ANKFY1: variants seen among roughly 807,000 people sequenced by gnomAD.
The protein encoded by ANKFY1 is ankyrin repeat and FYVE domain-containing protein 1.
A neutral mutation model predicts 128.3 loss-of-function variants in ANKFY1; 47 were observed. The ratio of observed to expected loss-of-function variants is 0.37; its 90% CI spans 0.29 to 0.47. ANKFY1 has a LOEUF of 0.47. ANKFY1 is among the 20% of genes least tolerant of loss of function. The probability of loss-of-function intolerance (pLI) is 1.00; values close to 1 mark genes in which losing one functional copy is unlikely to be tolerated. For missense variants in ANKFY1, 1,222 were observed against 1,510.6 expected (o/e 0.81, Z 3.17); for synonymous variants, 553 against 601.6 (o/e 0.92, Z 1.18).
At chr17:4,206,881 T>C (rs2143015540) in intron 6 of ANKFY1, among the ~76,000 whole-genome samples, 1 of 152,288 alleles carries the variant, frequency 6.6e-6, no homozygotes. Flanking sequence ...TGTCTCCCCA[T>C]ACACTGGACA....
At chr17:4,263,808 T>G in intron 1 of ANKFY1, 124 bp downstream of exon 1, 2 of 1,605,506 alleles carry the variant, frequency 1.2e-6, no homozygotes, top group Middle Eastern at 2.1e-4. Context: ...ACAGGAAGGC[T>G]CGCGAGACCC....
intron 4 of ANKFY1, among the ~76,000 whole-genome samples, chr17:4,214,567 C>T (rs1439424815): frequency 2.7e-5 from 4 of 149,744 alleles, no homozygotes; most frequent in Non-Finnish European, 4.4e-5. Context: ...CTCATATTGC[C>T]CAGGCTGGAG....
In ANKFY1 at chr17:4,170,680, G is replaced by C. The variant is rs1478921379; in HGVS notation, c.3286+35C>G. Reference sequence around the variant, plus strand: ...ATGGCGATCCCAACACTACGACTGTGCTTGCACTGTGAGAGCAGAGAGCGG... The same window carrying C: ...ATGGCGATCCCAACACTACGACTGTCCTTGCACTGTGAGAGCAGAGAGCGG... On this transcript the variant is annotated intron_variant, in intron 23 of 24. Transcript: ENST00000341657. The C allele has an allele frequency of 3.2e-6, 5 of 1,586,746 alleles. No individual in the cohort carries two copies. The Admixed American group carries it at 6.9e-5, about 22-fold the overall frequency.
chr17:4,205,705 G>A (rs1030018515), intron 7 of ANKFY1, among the ~76,000 whole-genome samples: 2 of 149,776 alleles, frequency 1.3e-5, no homozygotes, highest in African/African-American at 4.9e-5. Context: ...TCGCACCACT[G>A]CACTCCAGCC....
intron 4 of ANKFY1, among the ~76,000 whole-genome samples, chr17:4,213,213 C>G (rs2143019533): frequency 6.6e-6 from 1 of 151,964 alleles, no homozygotes; most frequent in East Asian, 1.9e-4. Context: ...TTTTTTGAGA[C>G]AGAGTGTGCT....
At chr17:4,247,545 C>T (rs1326888853) in intron 1 of ANKFY1, among the ~76,000 whole-genome samples, 3 of 152,142 alleles carry the variant, frequency 2.0e-5, no homozygotes, top group African/African-American at 4.8e-5. Flanking sequence ...CACTTACCAG[C>T]GCTACTTCAA....
intron 22 of ANKFY1, among the ~76,000 whole-genome samples, chr17:4,171,963 C>T (rs771097664): frequency 3.9e-5 from 6 of 152,254 alleles, no homozygotes; most frequent in African/African-American, 1.4e-4. Flanking sequence ...ACCCGAAAAA[C>T]GGGGATACAA....
chr17:4,189,576 AGCCCACGCCAGACAGTAG>A, intron 10 of ANKFY1, 97 bp from the exon 11 acceptor site: 5 of 1,069,644 alleles, frequency 4.7e-6, no homozygotes, highest in Non-Finnish European at 6.8e-6. Flanking sequence ...ATGACTGGCA[AGCCCACGCCAGACAGTAG>A]GCCCACACCA....
rs567871840 is a variant in ANKFY1 at position 4,229,446 on chromosome 17, T to C, written c.322+6326A>G. 1.4e-3 allele frequency among the ~76,000 whole-genome samples: 207 copies of C among 148,090 alleles called. 1 individual carries two copies. The highest frequency in any genetic ancestry group is 4.8e-3 in the African/African-American group (194 of 40,472). ...CTCAAAAAAAAAAAAGAAAATGAGATAAAAGATAGTAATTCAACTCAAAAA... is the reference window on the plus strand; with the variant it reads ...CTCAAAAAAAAAAAAGAAAATGAGACAAAAGATAGTAATTCAACTCAAAAA... On this transcript the variant is annotated intron_variant, in intron 3 of 24. Transcript: ENST00000341657.
At chr17:4,173,135 C>T (rs563052689) in intron 21 of ANKFY1, among the ~76,000 whole-genome samples, 10 of 152,368 alleles carry the variant, frequency 6.6e-5, no homozygotes, top group East Asian at 5.8e-4. Context: ...GGATTACAGG[C>T]GCGAGCCACT....
At position 4,169,195 on chromosome 17, in the gene ANKFY1, T is replaced by G. The variant is rs1287004452; in HGVS notation, c.3377+3A>C. 1 of 1,551,422 alleles carries G rather than the reference T, an allele frequency of 6.4e-7. No homozygotes were observed. ...CTCCTTGCCAGTGACGCTGGGGTCT[T>G]ACCAGTGGTGTTTGCGAGTGGTGAC... On this transcript the variant is annotated splice_donor_region_variant and intron_variant, in intron 24 of 24. Coordinates refer to ENST00000341657, the MANE Select transcript of ANKFY1 (RefSeq NM_001330063.2). This position sits in a 1 kb window ranked among gnomAD's most constrained non-coding sequence, Gnocchi z 5.0.
intron 1 of ANKFY1, among the ~76,000 whole-genome samples, chr17:4,242,860 G>A (rs990017466): frequency 6.6e-6 from 1 of 152,196 alleles, no homozygotes; most frequent in Non-Finnish European, 1.5e-5. Flanking sequence ...TGACAATGAA[G>A]AGATGTACCT....
intron 1 of ANKFY1, among the ~76,000 whole-genome samples, chr17:4,246,683 C>T (rs1967558453): frequency 6.6e-6 from 1 of 152,202 alleles, no homozygotes; most frequent in South Asian, 2.1e-4. Flanking sequence ...ATCTTTTGCT[C>T]CTCAAGACCT....
Position 4,222,746 on chromosome 17 carries a change from C to T in ANKFY1, c.323-5628G>A, listed in dbSNP as rs1021848510. ...GGGTTTCTTGTGCAGTAATATTTCTCGTAGCAATAATATTAGCTGTTTTGC... is the reference window on the plus strand; with the variant it reads ...GGGTTTCTTGTGCAGTAATATTTCTTGTAGCAATAATATTAGCTGTTTTGC... On this transcript the variant is annotated intron_variant, in intron 3 of 24. Coordinates refer to ENST00000341657, the MANE Select transcript of ANKFY1 (RefSeq NM_001330063.2). 14 of 972,270 alleles carry T rather than the reference C, an allele frequency of 1.4e-5. No individual in the cohort carries two copies. In the African/African-American group the frequency reaches 1.6e-4, roughly 11 times the overall value. The allele number at this position is 972,270 out of a possible 1,614,324, so 60.2% of individuals were successfully genotyped here. A position where few individuals can be genotyped will look rare whatever the true frequency, so the allele number is the denominator to read the frequency against.
rs75366887 is a variant in ANKFY1, at chr17:4,167,681, C to T, written c.*98G>A. 1.0e-3 allele frequency: 1,277 copies of T among 1,271,214 alleles called. 11 individuals carry two copies. In the African/African-American group the frequency reaches 0.018, roughly 18 times the overall value. 78.7% of individuals were successfully genotyped at this position (1,271,214 alleles called of 1,614,324 possible). Reference sequence around the variant, plus strand: ...GTTCCAGTCTATTGCCGCAGGAAGACACCCGCCAGCTCCTGCTCTGGGTGG... The same window carrying T: ...GTTCCAGTCTATTGCCGCAGGAAGATACCCGCCAGCTCCTGCTCTGGGTGG... On this transcript the variant is annotated 3_prime_UTR_variant, in exon 25 of 25. Coordinates refer to ENST00000341657, the MANE Select transcript of ANKFY1 (RefSeq NM_001330063.2). The surrounding 1 kb of genome is among the most constrained non-coding windows in gnomAD (Gnocchi z 4.1).
intron 7 of ANKFY1, among the ~76,000 whole-genome samples, chr17:4,197,956 C>T (rs2059856967): frequency 6.6e-6 from 1 of 151,076 alleles, no homozygotes; most frequent in South Asian, 2.1e-4. Context: ...AGGGAAAAAC[C>T]CCGTCTCTAC....
In ANKFY1 at chr17:4,184,911, T is replaced by G; in HGVS notation, c.1606A>C (p.Ser536Arg). The G allele has an allele frequency of 2.5e-6, 4 of 1,614,150 alleles. No homozygotes were observed. The highest frequency in any genetic ancestry group is 2.5e-6 in the Non-Finnish European group (3 of 1,180,044). ...TGCAGATGGACGCTGTCCGCCAAGC[T>G]GGTCAGGGATGCGGCCTCCTTTGGC... is the stretch of plus-strand genomic sequence containing the variant. ...PLPKEAASLT[S>R]LADSVHLQTP... The change falls in exon 12 of 25, where the codon AGC (serine) becomes CGC (arginine). Residue 536 changes from serine (S) to arginine (R), a missense_variant. Coordinates refer to ENST00000341657, the MANE Select transcript of ANKFY1 (RefSeq NM_001330063.2).
intron 22 of ANKFY1, among the ~76,000 whole-genome samples, chr17:4,171,641 T>C (rs1428313426): frequency 1.3e-5 from 2 of 152,220 alleles, no homozygotes; most frequent in Non-Finnish European, 2.9e-5. Flanking sequence ...CCCTGCTGCC[T>C]GTTCCTGTTT....
intron 21 of ANKFY1, 52 bp downstream of exon 21, chr17:4,173,302 T>A: frequency 6.4e-7 from 1 of 1,566,976 alleles, no homozygotes; most frequent in Non-Finnish European, 8.8e-7. Flanking sequence ...AACCAGCAGC[T>A]CTGAGCAGCA....
Sources: allele counts gnomAD v4.1 joint callset (sites outside exome capture counted in the v4.1 genomes callset), GRCh38; gene constraint gnomAD v4.1.1; non-coding constraint Gnocchi (gnomAD v3.1); transcripts MANE v1.5; gene names NCBI Gene and HGNC (gene_info 2026-07-23, HGNC 2026-07-21).